The following ARHGEF10 variants were observed in gnomAD, a reference collection of about 807,000 sequenced individuals.
ARHGEF10 encodes Rho guanine nucleotide exchange factor (GEF) 10.
ARHGEF10 carries 140 observed loss-of-function variants against 147.4 expected under a neutral mutation model. The ratio of observed to expected loss-of-function variants is 0.95; its 90% confidence interval spans 0.83 to 1.09. The LOEUF is 1.09. ARHGEF10 is among the 50% of genes least tolerant of loss of function. The probability of loss-of-function intolerance (pLI) is 0.00; values close to 1 mark genes in which losing one functional copy is unlikely to be tolerated. For missense variants in ARHGEF10, 2,222 were observed against 1,752.7 expected, an observed-to-expected ratio of 1.27 and a Z score of -4.78; for synonymous variants, 902 against 695.8, an observed-to-expected ratio of 1.30 and a Z score of -4.67.
chr8:1,834,427 G>C (rs147367556), intron 1 of ARHGEF10, among the ~76,000 whole-genome samples: 44 of 152,154 alleles, frequency 2.9e-4, no homozygotes, highest in African/African-American at 1.0e-3. Flanking sequence ...ACAGGCCCAG[G>C]GAGGACCCTG....
rs1808107222 is a variant in ARHGEF10, at chr8:1,880,607, T to TA, written c.960+444dup. On this transcript the variant is annotated intron_variant, in intron 9 of 28. Coordinates refer to ENST00000349830, the MANE Select transcript of ARHGEF10 (RefSeq NM_014629.4). ...TAACTTCAAATGCAGTAAATATTGA[T>TA]ACATAAAACCCTGGTAAACAAAAGC... 4.6e-5 allele frequency among the ~76,000 whole-genome samples: 7 copies of TA among 152,238 alleles called. 1 individual carries two copies. The South Asian group carries it at 1.4e-3, about 31-fold the overall frequency.
chr8:1,894,288 T>G, intron 12 of ARHGEF10, 105 bp from the exon 13 acceptor site: 1 of 1,182,126 alleles, frequency 8.5e-7, no homozygotes, highest in Non-Finnish European at 1.2e-6. Context: ...AGTTTGAGGC[T>G]GCAGTGAGCC....
chr8:1,858,868 A>ATAGCACCTGCCTCTCTGCTTGCACGGCC (rs1805827376), intron 3 of ARHGEF10: 2 of 83,044 alleles, frequency 2.4e-5, no homozygotes, highest in Admixed American at 1.4e-4. Flanking sequence ...CTTGCACGGC[A>ATAGCACCTGCCTCTCTGCTTGCACGGCC]TTTCTTTGGG....
At chr8:1,921,450 C>A (rs1355144968) in intron 18 of ARHGEF10, among the ~76,000 whole-genome samples, 1 of 152,220 alleles carries the variant, frequency 6.6e-6, no homozygotes, top group Non-Finnish European at 1.5e-5. Context: ...ATGTCCAGGC[C>A]AGGCACGGTG....
intron 18 of ARHGEF10, among the ~76,000 whole-genome samples, chr8:1,915,856 T>C (rs1811722894): frequency 6.6e-6 from 1 of 152,254 alleles, no homozygotes; most frequent in Admixed American, 6.5e-5. Flanking sequence ...ATACTCATTC[T>C]CATTCCTAAC....
chr8:1,888,702 GGTTTGTGAGGAGACACTGAATAGGGTGA>G (rs1809037482), intron 11 of ARHGEF10, among the ~76,000 whole-genome samples: 2 of 90,346 alleles, frequency 2.2e-5, no homozygotes, highest in African/African-American at 6.3e-5. Flanking sequence ...AATAGGGTGA[GGTTTGTGAGGAGACACTGAATAGGGTGA>G]GGTTTGTGAG....
chr8:1,858,473 C>T (rs1432559853), intron 3 of ARHGEF10, among the ~76,000 whole-genome samples: 1 of 152,154 alleles, frequency 6.6e-6, no homozygotes, highest in African/African-American at 2.4e-5. Flanking sequence ...TACTATTTTC[C>T]ATAATTTTCA....
chr8:1,946,967 G>C (rs1165931116), intron 27 of ARHGEF10, among the ~76,000 whole-genome samples: 1 of 152,266 alleles, frequency 6.6e-6, no homozygotes, highest in Non-Finnish European at 1.5e-5. Flanking sequence ...ATTTCTCTTA[G>C]TGAGAAAAGG....
chr8:1,841,346 A>G (rs1403819922), intron 1 of ARHGEF10, among the ~76,000 whole-genome samples: 1 of 152,238 alleles, frequency 6.6e-6, no homozygotes, highest in African/African-American at 2.4e-5. Flanking sequence ...CCCTGAACGC[A>G]CACTGATGAG....
intron 18 of ARHGEF10, among the ~76,000 whole-genome samples, chr8:1,912,023 A>G (rs1811395362): frequency 6.6e-6 from 1 of 152,184 alleles, no homozygotes; most frequent in Non-Finnish European, 1.5e-5. Context: ...TCTAAAATTC[A>G]GTGTTGGAAA....
At chr8:1,836,786 G>T (rs1803609006) in intron 1 of ARHGEF10, among the ~76,000 whole-genome samples, 1 of 152,170 alleles carries the variant, frequency 6.6e-6, no homozygotes, top group Non-Finnish European at 1.5e-5. Flanking sequence ...TGTGTTGTGG[G>T]AGGGACCCAA....
intron 25 of ARHGEF10, among the ~76,000 whole-genome samples, chr8:1,932,561 T>G (rs1396712219): frequency 6.6e-6 from 1 of 152,196 alleles, no homozygotes; most frequent in Non-Finnish European, 1.5e-5. Context: ...ATGTGCATAT[T>G]TAATCACATA....
In ARHGEF10 at chr8:1,864,437, G is replaced by T; in HGVS notation, c.545+1G>T. On this transcript the variant is annotated splice_donor_variant, in intron 5 of 28. Transcript: ENST00000349830. LOFTEE classifies it high-confidence loss of function. ...TGAGTTCCGAGGAGCCTCCAACCAG[G>T]TATCTGCATCCGTCTTCCCACACCT... 2 of 1,613,740 alleles carry T rather than the reference G, an allele frequency of 1.2e-6. No individual in the cohort carries two copies. The highest frequency in any genetic ancestry group is 1.7e-6 in the Non-Finnish European group (2 of 1,179,670).
intron 14 of ARHGEF10, among the ~76,000 whole-genome samples, chr8:1,897,907 C>A (rs1163848257): frequency 6.6e-6 from 1 of 152,092 alleles, no homozygotes; most frequent in African/African-American, 2.4e-5. Context: ...AGCTGAGAGG[C>A]CGAGGCACAG....
At chr8:1,827,937 A>G (rs1802865456) in intron 1 of ARHGEF10, among the ~76,000 whole-genome samples, 3 of 152,192 alleles carry the variant, frequency 2.0e-5, no homozygotes, top group Non-Finnish European at 1.5e-5. Flanking sequence ...GCACATGTAG[A>G]GATGCATGGC....
intron 11 of ARHGEF10, among the ~76,000 whole-genome samples, chr8:1,890,762 A>T (rs1310243308): frequency 2.1e-5 from 3 of 145,742 alleles, no homozygotes; most frequent in Non-Finnish European, 4.5e-5. Flanking sequence ...GTGAGTAGTG[A>T]TTGGTAGGGG....
chr8:1,953,846 A>G, intron 28 of ARHGEF10, among the ~76,000 whole-genome samples: 1 of 152,182 alleles, frequency 6.6e-6, no homozygotes, highest in East Asian at 1.9e-4. Flanking sequence ...AGGGGGAAAT[A>G]CTAACAGAGA....
Position 1,834,481 on chromosome 8 carries a change from C to T in ARHGEF10, c.-47-8872C>T, listed in dbSNP as rs139561151. Among the ~76,000 whole-genome samples the T allele has an allele frequency of 4.4e-3, 670 of 152,240 alleles. 3 individuals are homozygous for T. The highest frequency in any genetic ancestry group is 0.015 in the African/African-American group (633 of 41,526). On this transcript the variant is annotated intron_variant, in intron 1 of 28. Transcript: ENST00000349830. ...TGCCATGCGCCCTGAGACTCAGTCA[C>T]AGCTGCGCTCTGAGGCCAAATCCAG...
At chr8:1,896,645 T>C (rs1257079536) in intron 14 of ARHGEF10, among the ~76,000 whole-genome samples, 196 bp downstream of exon 14, 2 of 152,208 alleles carry the variant, frequency 1.3e-5, no homozygotes, top group East Asian at 3.9e-4. Flanking sequence ...ATTTGCACCT[T>C]CTTAAAAGTG....
Sources: allele counts gnomAD v4.1 joint callset (sites outside exome capture counted in the v4.1 genomes callset), GRCh38; gene constraint gnomAD v4.1.1; transcripts MANE v1.5; gene names NCBI Gene and HGNC (gene_info 2026-07-23, HGNC 2026-07-21).